Variants in PRH1 observed in about 807,000 individuals in gnomAD.
The protein encoded by PRH1 is salivary acidic proline-rich phosphoprotein 1/2.
A neutral mutation model predicts 7.9 loss-of-function variants in PRH1; 7 were observed. The ratio of observed to expected loss-of-function variants is 0.89; its 90% CI spans 0.50 to 1.67. The LOEUF (loss-of-function observed/expected upper bound fraction) is 1.67, where lower values mean the gene tolerates loss of function less well. PRH1 is among the 40% of genes most tolerant of loss of function. The pLI, the probability that PRH1 is intolerant of heterozygous loss-of-function variation, is 0.00. For synonymous variants in PRH1, 45 were observed against 80.8 expected (o/e 0.56, Z 2.38); for missense variants, 109 against 223.6 (o/e 0.49, Z 3.27).
chr12:10,950,883 A>G (rs1295163855), intron 2 of PRH1, among the ~76,000 whole-genome samples: 2 of 152,234 alleles, frequency 1.3e-5, no homozygotes, highest in South Asian at 4.1e-4. Context: ...TAAACTTCCC[A>G]TGTCTGAACA....
At chr12:10,939,095 C>T in intron 2 of PRH1, 5 of 1,613,942 alleles carry the variant, frequency 3.1e-6, no homozygotes, top group Non-Finnish European at 4.2e-6. Context: ...GATCTTTCTT[C>T]CCTTGACCCA....
chr12:10,940,670 C>T (rs1591705841), intron 2 of PRH1, among the ~76,000 whole-genome samples: 3 of 152,232 alleles, frequency 2.0e-5, no homozygotes. Context: ...GGATGACATA[C>T]TGTCTAGCCA....
intron 2 of PRH1, among the ~76,000 whole-genome samples, chr12:10,939,771 A>G (rs1195509046): frequency 6.6e-6 from 1 of 152,098 alleles, no homozygotes; most frequent in Non-Finnish European, 1.5e-5. Flanking sequence ...TCTGAGATCT[A>G]TTGAACAGCA....
intron 1 of PRH1, chr12:11,171,310 G>A: frequency 1.7e-6 from 2 of 1,193,278 alleles, no homozygotes; most frequent in Non-Finnish European, 2.1e-6. Flanking sequence ...CGCGGGCCCT[G>A]CGGCAACCCT....
chr12:11,014,904 G>A (rs1425479471), intron 1 of PRH1, among the ~76,000 whole-genome samples: 3 of 152,024 alleles, frequency 2.0e-5, no homozygotes, highest in Non-Finnish European at 2.9e-5. Flanking sequence ...GGAATGTCAG[G>A]TGGCCATCAG....
At chr12:10,994,009 G>A (rs546716506) in intron 1 of PRH1, among the ~76,000 whole-genome samples, 8 of 152,274 alleles carry the variant, frequency 5.3e-5, no homozygotes, top group Admixed American at 2.0e-4. Flanking sequence ...AAGCGTGTGC[G>A]TCTCTAAGCA....
chr12:10,966,682 T>C (rs1938513920), intron 2 of PRH1, among the ~76,000 whole-genome samples: 1 of 143,270 alleles, frequency 7.0e-6, no homozygotes, highest in Non-Finnish European at 1.6e-5. Flanking sequence ...GAGGTTTCTC[T>C]GGCAGAAAAA....
chr12:11,150,709 T>C (rs547938088), intron 1 of PRH1, among the ~76,000 whole-genome samples: 16 of 152,224 alleles, frequency 1.1e-4, no homozygotes, highest in South Asian at 8.3e-4. Flanking sequence ...TTAGGAGATA[T>C]ACCTAATGCT....
intron 1 of PRH1, among the ~76,000 whole-genome samples, chr12:11,071,017 C>T (rs73045543): frequency 0.4 from 36,889 of 92,126 alleles, 4,184 homozygotes; most frequent in Non-Finnish European, 0.48. Context: ...CTCCCCTTTC[C>T]CTTTGTTCCC....
At chr12:10,908,364 T>G in intron 2 of PRH1, 1 of 1,593,344 alleles carries the variant, frequency 6.3e-7, no homozygotes, top group Non-Finnish European at 8.5e-7. Context: ...GTGGTCTGAA[T>G]GGCTTATGAA....
chr12:11,060,345 T>A (rs886688562), intron 1 of PRH1, among the ~76,000 whole-genome samples: 1 of 152,172 alleles, frequency 6.6e-6, no homozygotes, highest in Admixed American at 6.5e-5. Context: ...TTGATTTATT[T>A]TCCATAATTT....
At chr12:11,109,988 G>C (rs185219121) in intron 1 of PRH1, among the ~76,000 whole-genome samples, 1 of 152,248 alleles carries the variant, frequency 6.6e-6, no homozygotes, top group Non-Finnish European at 1.5e-5. Flanking sequence ...ACCTGATGGA[G>C]CTGAAAAGCA....
At chr12:10,995,558 T>C (rs945210609) in intron 1 of PRH1, among the ~76,000 whole-genome samples, 1 of 152,112 alleles carries the variant, frequency 6.6e-6, no homozygotes, top group Non-Finnish European at 1.5e-5. Flanking sequence ...TTAAGACATT[T>C]CCTATCATTA....
At chr12:10,905,263 T>A (rs1463946369) in intron 2 of PRH1, among the ~76,000 whole-genome samples, 1 of 151,930 alleles carries the variant, frequency 6.6e-6, no homozygotes, top group Non-Finnish European at 1.5e-5. Context: ...TCTCACTCTG[T>A]TCACAAGAAA....
chr12:10,890,389 GTGTGTGTGTGTGTT>G (rs1404890026), intron 2 of PRH1, among the ~76,000 whole-genome samples: 1 of 151,328 alleles, frequency 6.6e-6, no homozygotes, highest in East Asian at 1.9e-4. Context: ...ACTTTGGTGT[GTGTGTGTGTGTGTT>G]TGTGTGTGTG....
chr12:11,165,319 CCT>C (rs36011182), intron 1 of PRH1, among the ~76,000 whole-genome samples: 36,876 of 151,826 alleles, frequency 0.24, 4,502 homozygotes, highest in Non-Finnish European at 0.25. Context: ...TCCTTTTCTC[CCT>C]CTCTTTCATT....
At chr12:10,973,389 A>C (rs1435746773) in intron 2 of PRH1, 1 of 322,708 alleles carries the variant, frequency 3.1e-6, no homozygotes, top group Non-Finnish European at 5.6e-6. Context: ...CTAAGAAATG[A>C]TCTTCAAGTC....
intron 2 of PRH1, chr12:10,973,613 G>A (rs187407371): frequency 9.7e-5 from 74 of 764,720 alleles, no homozygotes; most frequent in Middle Eastern, 4.6e-4. Flanking sequence ...AGTGTTGCTA[G>A]GTTTTCATTT....
chr12:10,888,083 C>T (rs1340457009), upstream of PRH1, among the ~76,000 whole-genome samples: 1 of 152,144 alleles, frequency 6.6e-6, no homozygotes. Flanking sequence ...GTCCACATTC[C>T]TTGGCCTTCT....
Sources: allele counts gnomAD v4.1 joint callset (sites outside exome capture counted in the v4.1 genomes callset), GRCh38; gene constraint gnomAD v4.1.1; transcripts MANE v1.5; gene names NCBI Gene and HGNC (gene_info 2026-07-23, HGNC 2026-07-21).